MYO16: variants seen among roughly 807,000 people sequenced by gnomAD.
MYO16 encodes the protein unconventional myosin-XVI.
MYO16 carries 94 observed loss-of-function variants against 205.3 expected under a neutral mutation model. The ratio of observed to expected loss-of-function variants is 0.46; its 90% CI spans 0.39 to 0.54. The LOEUF (loss-of-function observed/expected upper bound fraction) is 0.54. Ranked by LOEUF, MYO16 falls within the 20% of genes least tolerant of loss-of-function variation. The pLI, the probability that MYO16 is intolerant of heterozygous loss-of-function variation, is 0.00. For synonymous variants in MYO16, 988 were observed against 954.0 expected (o/e 1.04, Z -0.66); for missense variants, 2,315 against 2,387.5 (o/e 0.97, Z 0.63).
intron 4 of MYO16, among the ~76,000 whole-genome samples, chr13:108,773,866 A>G (rs936217458): frequency 1.3e-5 from 2 of 152,190 alleles, no homozygotes; most frequent in Admixed American, 6.5e-5. Context: ...CATTAGATAG[A>G]TAATTCACAC....
chr13:108,720,706 C>T (rs191984780), intron 3 of MYO16, among the ~76,000 whole-genome samples: 28 of 152,236 alleles, frequency 1.8e-4, no homozygotes, highest in Non-Finnish European at 2.9e-4. Context: ...ATGACTGCTC[C>T]GTAACCACTA....
Position 109,141,261 on chromosome 13 carries a change from C to A in MYO16, c.5049C>A (p.Ser1683Arg). The A allele has an allele frequency of 6.2e-7, 1 of 1,605,006 alleles. No homozygotes were observed. Among genetic ancestry groups the A allele is most frequent in the Non-Finnish European group, 8.5e-7 (1 of 1,175,898 alleles). ...GTGCCTCGCCCCCCGCGCCCTACAG[C>A]CCTCCCAGCTCCAGGCCTCTCAGCA... Reference protein sequence around the residue: ...GSSASPPAPYSPPSSRPLSSP... With the variant: ...GSSASPPAPYRPPSSRPLSSP... The change falls in exon 32 of 35, where the codon AGC (serine) becomes AGA (arginine). Residue 1683 changes from serine (S) to arginine (R), a missense_variant. Around this residue, in one of 3 missense-constraint regions of MYO16, gnomAD observed 1,097 missense variants for 1,092.0 expected, o/e 1.00. Transcript: ENST00000457511. This position sits in a 1 kb window ranked among gnomAD's most constrained non-coding sequence, Gnocchi z 4.1.
At chr13:108,782,556 G>A (rs1485951372) in intron 4 of MYO16, among the ~76,000 whole-genome samples, 1 of 152,188 alleles carries the variant, frequency 6.6e-6, no homozygotes, top group Non-Finnish European at 1.5e-5. Context: ...ATTTGCATAA[G>A]TGGCAAGGAG....
Position 109,164,972 on chromosome 13 carries a change from G to A in MYO16, c.5236G>A (p.Asp1746Asn), listed in dbSNP as rs757052734. 2 of 1,608,002 alleles carry A rather than the reference G, an allele frequency of 1.2e-6. No individual in the cohort carries two copies. The highest frequency in any genetic ancestry group is 2.2e-5 in the South Asian group (2 of 90,554). Residue 1746 changes from aspartate to asparagine, a missense_variant, in exon 33 of 35, where the codon GAC becomes AAC. Coordinates refer to ENST00000457511, the MANE Select transcript of MYO16 (RefSeq NM_001198950.3). Reference sequence around the variant, plus strand: ...GTCAGAAATTACTTCCGAGACTCAAGACAGAAATGCAAATAACCATGGAAT... The same window carrying A: ...GTCAGAAATTACTTCCGAGACTCAAAACAGAAATGCAAATAACCATGGAAT... ...STSEITSETQ[D>N]RNANNHGIQL...
At chr13:108,951,745 A>G (rs1434500244) in intron 16 of MYO16, among the ~76,000 whole-genome samples, 2 of 152,184 alleles carry the variant, frequency 1.3e-5, no homozygotes, top group Non-Finnish European at 2.9e-5. Flanking sequence ...GATATTAACT[A>G]GTCTCCTTCA....
chr13:108,608,337 C>T (rs1197695015), intron 1 of MYO16, among the ~76,000 whole-genome samples: 1 of 152,140 alleles, frequency 6.6e-6, no homozygotes, highest in Non-Finnish European at 1.5e-5. Context: ...TAATAATTTG[C>T]CATTATATAC....
At chr13:108,866,062 T>C in intron 11 of MYO16, 115 bp from the exon 12 acceptor site, 1 of 631,600 alleles carries the variant, frequency 1.6e-6, no homozygotes, top group Admixed American at 3.9e-5. Context: ...AATACTAAAG[T>C]AGATTTTTTC....
chr13:108,890,102 G>GAATTTTTTT (rs1555309571), intron 14 of MYO16, among the ~76,000 whole-genome samples: 1 of 65,708 alleles, frequency 1.5e-5, no homozygotes, highest in African/African-American at 5.6e-5. Flanking sequence ...GCTAATTTTT[G>GAATTTTTTT]TATTTTTTTT....
At chr13:109,189,173 C>T (rs192524342) in intron 34 of MYO16, among the ~76,000 whole-genome samples, 1 of 151,442 alleles carries the variant, frequency 6.6e-6, no homozygotes, top group African/African-American at 2.4e-5. Flanking sequence ...AAGTCAAGTC[C>T]TTCCATGTTC....
At chr13:108,793,474 A>G (rs1223534045) in intron 5 of MYO16, 42 bp from the exon 6 acceptor site, 1 of 1,594,354 alleles carries the variant, frequency 6.3e-7, no homozygotes, top group South Asian at 1.1e-5. Flanking sequence ...GGAACTGAGA[A>G]GTATCTCTCC....
chr13:108,852,915 A>C (rs905649926), intron 10 of MYO16, among the ~76,000 whole-genome samples: 13 of 152,262 alleles, frequency 8.5e-5, no homozygotes, highest in African/African-American at 3.1e-4. Context: ...TGGAAGATGT[A>C]CAACTGGGGT....
At chr13:108,940,688 A>G (rs1270906139) in intron 16 of MYO16, among the ~76,000 whole-genome samples, 3 of 152,246 alleles carry the variant, frequency 2.0e-5, no homozygotes, top group African/African-American at 7.2e-5. Flanking sequence ...ACAATGGATG[A>G]AGGATTAAAA....
chr13:108,897,040 A>G (rs1472467230), intron 14 of MYO16, among the ~76,000 whole-genome samples: 1 of 152,158 alleles, frequency 6.6e-6, no homozygotes, highest in Non-Finnish European at 1.5e-5. Flanking sequence ...AGTGGGATCA[A>G]AGCACTTAAA....
At chr13:109,124,672 T>C (rs916503886) in intron 29 of MYO16, among the ~76,000 whole-genome samples, 1 of 152,194 alleles carries the variant, frequency 6.6e-6, no homozygotes, top group Non-Finnish European at 1.5e-5. Context: ...AAGAATTAAA[T>C]CATAATCTTA....
the MYO16 span, among the ~76,000 whole-genome samples, chr13:108,504,727 G>A: frequency 6.6e-6 from 1 of 151,434 alleles, no homozygotes; most frequent in Non-Finnish European, 1.5e-5. Context: ...GTAGAGACGG[G>A]GGTTTCACCA....
rs914729265 is a variant in MYO16 at position 108,665,976 on chromosome 13, G to A, written c.119G>A (p.Arg40His). Residue 40 changes from arginine (R) to histidine (H), a missense_variant, in exon 2 of 35, where the codon CGT (arginine) becomes CAT (histidine). Arg to His is a conservative substitution (Grantham distance 29). Around this residue, in one of 3 missense-constraint regions of MYO16, gnomAD observed 1,213 missense variants for 1,274.4 expected, o/e 0.95. Transcript: ENST00000457511. ...LESLPLGQRQRLVKRMRCEQI... is the reference protein window; with the variant it reads ...LESLPLGQRQHLVKRMRCEQI... ...TCCCTTCCCCTTGGCCAACGGCAGCGTCTAGTGAAGCGCATGCGCTGTGAG... is the reference window on the plus strand; with the variant it reads ...TCCCTTCCCCTTGGCCAACGGCAGCATCTAGTGAAGCGCATGCGCTGTGAG... The A allele has an allele frequency of 6.2e-6, 10 of 1,614,034 alleles. No homozygotes were observed. The highest frequency in any genetic ancestry group is 1.7e-5 in the Admixed American group (1 of 59,996).
intron 1 of MYO16, among the ~76,000 whole-genome samples, chr13:108,637,722 T>C (rs1014589996): frequency 6.6e-6 from 1 of 151,778 alleles, no homozygotes; most frequent in African/African-American, 2.4e-5. Context: ...CAAAAATATA[T>C]AAATTAGCTG....
At chr13:109,133,685 T>C (rs139374218) in intron 31 of MYO16, among the ~76,000 whole-genome samples, 1 of 152,312 alleles carries the variant, frequency 6.6e-6, no homozygotes, top group East Asian at 1.9e-4. Context: ...TCTTCCCTAC[T>C]TCATCTCATT....
At position 108,785,708 on chromosome 13, in the gene MYO16, C is replaced by A; in HGVS notation, c.581C>A (p.Ser194Tyr). 1 of 1,612,566 alleles carries A rather than the reference C, an allele frequency of 6.2e-7. No homozygotes were observed. Among genetic ancestry groups the A allele is most frequent in the Non-Finnish European group, 8.5e-7 (1 of 1,179,234 alleles). Reference sequence around the variant, plus strand: ...GATTATGCTGTAGAAGGGACAGAATCCAGCTCTATCCTGTTGACCTATCTG... The same window carrying A: ...GATTATGCTGTAGAAGGGACAGAATACAGCTCTATCCTGTTGACCTATCTG... ...PLDYAVEGTE[S>Y]SSILLTYLDE... is the part of the protein sequence containing the mutation. Residue 194 changes from serine to tyrosine, a missense_variant, in exon 5 of 35, where the codon TCC becomes TAC. Ser to Tyr is a moderately radical substitution (Grantham distance 144). Coordinates refer to ENST00000457511, the MANE Select transcript of MYO16 (RefSeq NM_001198950.3).
Sources: allele counts gnomAD v4.1 joint callset (sites outside exome capture counted in the v4.1 genomes callset), GRCh38; gene constraint gnomAD v4.1.1; regional missense constraint gnomAD v4.1.1; non-coding constraint Gnocchi (gnomAD v3.1); transcripts MANE v1.5; gene names NCBI Gene and HGNC (gene_info 2026-07-23, HGNC 2026-07-21).